The following SGCG variants were observed in gnomAD, a reference collection of about 807,000 sequenced individuals.
SGCG encodes the protein gamma-sarcoglycan.
SGCG carries 26 observed loss-of-function variants against 29.3 expected under a neutral mutation model. That is an observed-to-expected ratio of 0.89 (90% CI 0.65 to 1.23). The LOEUF (loss-of-function observed/expected upper bound fraction) is 1.23, where lower values mean the gene tolerates loss of function less well. SGCG is among the 50% of genes most tolerant of loss of function. SGCG has a pLI of 0.00. For synonymous variants in SGCG, 145 were observed against 129.7 expected (o/e 1.12, Z -0.80); for missense variants, 353 against 356.0 (o/e 0.99, Z 0.07).
chr13:23,181,541 G>C (rs1438847803), intron 1 of SGCG, among the ~76,000 whole-genome samples: 1 of 152,100 alleles, frequency 6.6e-6, no homozygotes, highest in Non-Finnish European at 1.5e-5. Flanking sequence ...AAGTCCAGTG[G>C]TTTTATAAGT....
intron 7 of SGCG, among the ~76,000 whole-genome samples, chr13:23,321,810 G>A (rs1407675189): frequency 6.6e-6 from 1 of 152,136 alleles, no homozygotes; most frequent in African/African-American, 2.4e-5. Flanking sequence ...GCAGGCAGCA[G>A]GGGAGGAGCT....
At chr13:23,311,658 G>A (rs1227854254) in intron 6 of SGCG, among the ~76,000 whole-genome samples, 2 of 152,156 alleles carry the variant, frequency 1.3e-5, no homozygotes, top group African/African-American at 2.4e-5. Flanking sequence ...TGTTCGATGA[G>A]GAATCAGCCT....
chr13:23,304,551 T>C (rs902115468), intron 6 of SGCG, among the ~76,000 whole-genome samples: 2 of 152,032 alleles, frequency 1.3e-5, no homozygotes, highest in African/African-American at 4.8e-5. Flanking sequence ...TGCACCGGTC[T>C]CTCCATTCAT....
intron 2 of SGCG, among the ~76,000 whole-genome samples, chr13:23,205,543 A>C (rs756642841): frequency 1.3e-5 from 2 of 152,212 alleles, no homozygotes; most frequent in African/African-American, 4.8e-5. Context: ...TTATTTATGA[A>C]ATATGGGTGA....
In SGCG at chr13:23,315,323, G is replaced by A. The variant is rs375623001; in HGVS notation, c.579-5314G>A. Among the ~76,000 whole-genome samples the A allele has an allele frequency of 2.0e-3, 310 of 152,308 alleles. 2 individuals are homozygous for A. The highest frequency in any genetic ancestry group is 0.014 in the Middle Eastern group (4 of 294). Reference sequence around the variant, plus strand: ...GACCCATCTAGCCATAAAGTGGGTCGTGCACAACAGCATTCCATCATCAAA... The same window carrying A: ...GACCCATCTAGCCATAAAGTGGGTCATGCACAACAGCATTCCATCATCAAA... On this transcript the variant is annotated intron_variant, in intron 6 of 7. Coordinates refer to ENST00000218867, the MANE Select transcript of SGCG (RefSeq NM_000231.3).
intron 1 of SGCG, among the ~76,000 whole-genome samples, chr13:23,182,282 G>A (rs531655742): frequency 6.6e-6 from 1 of 152,270 alleles, no homozygotes; most frequent in East Asian, 1.9e-4. Context: ...TAGGGCCTGA[G>A]GATCTCCCTC....
chr13:23,313,027 T>C (rs893052115), intron 6 of SGCG, among the ~76,000 whole-genome samples: 6 of 152,158 alleles, frequency 3.9e-5, no homozygotes, highest in African/African-American at 1.4e-4. Flanking sequence ...TTCCTGAAAA[T>C]AAAAGATTAG....
intron 4 of SGCG, among the ~76,000 whole-genome samples, chr13:23,258,687 T>C (rs1010267977): frequency 6.6e-6 from 1 of 152,210 alleles, no homozygotes; most frequent in Non-Finnish European, 1.5e-5. Flanking sequence ...TGTGGGTTTG[T>C]CATAAATAGC....
rs114029977 is a variant in SGCG, at chr13:23,191,907, C to G, written c.-1+10832C>G. On this transcript the variant is annotated intron_variant, in intron 1 of 7. Coordinates refer to ENST00000218867, the MANE Select transcript of SGCG (RefSeq NM_000231.3). ...GATGTAAAAAGAGGGAAGTGTCGGC[C>G]GGGCGCGGTGGCTCACGCCTGTAAT... Among the ~76,000 whole-genome samples the G allele has an allele frequency of 2.6e-5, 4 of 152,088 alleles. No homozygotes were observed. In the East Asian group the frequency reaches 7.7e-4, roughly 29 times the overall value.
At position 23,286,264 on chromosome 13, in the gene SGCG, T is replaced by C. The variant is rs960658959; in HGVS notation, c.505+6786T>C. 2.6e-5 allele frequency among the ~76,000 whole-genome samples: 4 copies of C among 152,246 alleles called. No homozygotes were observed. The East Asian group carries it at 7.7e-4, about 29-fold the overall frequency. On this transcript the variant is annotated intron_variant, in intron 5 of 7. Coordinates refer to ENST00000218867, the MANE Select transcript of SGCG (RefSeq NM_000231.3). ...CAACAAAGCAGATGCAAATTGATCG[T>C]GAAATTAAATTGCATGTCTTGCAAA...
chr13:23,258,691 A>G (rs1371989584), intron 4 of SGCG, among the ~76,000 whole-genome samples: 3 of 152,154 alleles, frequency 2.0e-5, no homozygotes, highest in Admixed American at 6.5e-5. Flanking sequence ...GGTTTGTCAT[A>G]AATAGCTCTT....
intron 2 of SGCG, among the ~76,000 whole-genome samples, chr13:23,224,630 C>T (rs532947182): frequency 6.8e-6 from 1 of 147,520 alleles, no homozygotes; most frequent in Admixed American, 6.9e-5. Context: ...AAATCTCCCA[C>T]CAACCCCAAA....
chr13:23,259,177 C>CT (rs910745574), intron 4 of SGCG, among the ~76,000 whole-genome samples: 1 of 152,068 alleles, frequency 6.6e-6, no homozygotes, highest in African/African-American at 2.4e-5. Context: ...TGCTCTTGGA[C>CT]TTTTTTTGGT....
the SGCG span, among the ~76,000 whole-genome samples, chr13:23,167,712 T>C: frequency 0.021 from 3,155 of 150,950 alleles, 98 homozygotes; most frequent in African/African-American, 0.072. Context: ...TTGAGAAATA[T>C]ATATTCCAAT....
intron 1 of SGCG, among the ~76,000 whole-genome samples, chr13:23,197,540 A>G (rs1593167493): frequency 6.6e-6 from 1 of 152,314 alleles, no homozygotes; most frequent in East Asian, 1.9e-4. Flanking sequence ...GTAGAATGCC[A>G]TCGCTAACAC....
intron 6 of SGCG, among the ~76,000 whole-genome samples, chr13:23,304,786 T>C (rs575704365): frequency 6.6e-6 from 1 of 152,074 alleles, no homozygotes; most frequent in Non-Finnish European, 1.5e-5. Flanking sequence ...GTATTTTGTT[T>C]GTTTGTTTGT....
intron 4 of SGCG, among the ~76,000 whole-genome samples, chr13:23,277,697 C>CTTT (rs879580838): frequency 3.0e-5 from 4 of 135,362 alleles, no homozygotes; most frequent in Admixed American, 7.4e-5. Flanking sequence ...TCTCAACTTC[C>CTTT]TTTTTTTTTT....
intron 1 of SGCG, among the ~76,000 whole-genome samples, chr13:23,191,325 G>A (rs2137479994): frequency 6.6e-6 from 1 of 152,266 alleles, no homozygotes; most frequent in Admixed American, 6.5e-5. Flanking sequence ...CTGGAGTAGA[G>A]TTGAAGGAGG....
chr13:23,191,942 T>C (rs2137481180), intron 1 of SGCG, among the ~76,000 whole-genome samples: 1 of 152,100 alleles, frequency 6.6e-6, no homozygotes, highest in South Asian at 2.1e-4. Context: ...TCCCAGCACT[T>C]AGGTGGGCGG....
Sources: gnomAD v4.1 joint callset for allele counts (sites outside exome capture counted in the v4.1 genomes callset) on GRCh38, gnomAD v4.1.1 for gene constraint, MANE v1.5 for transcripts, NCBI Gene and HGNC (gene_info 2026-07-23, HGNC 2026-07-21) for gene names.